DLG2: variants seen among roughly 807,000 people sequenced by gnomAD.
DLG2 encodes discs large MAGUK scaffold protein 2.
In DLG2, 45 loss-of-function variants were observed where a neutral mutation model predicts 132.5. That is an observed-to-expected ratio of 0.34 (90% CI 0.27 to 0.44). DLG2 has a LOEUF of 0.44. Among genes scored for constraint, DLG2 ranks in the 20% least tolerant of loss-of-function variants. The probability of loss-of-function intolerance (pLI) is 1.00; values close to 1 mark genes in which losing one functional copy is unlikely to be tolerated. For missense variants in DLG2, 1,045 were observed against 1,196.9 expected (o/e 0.87, Z 1.87); for synonymous variants, 424 against 419.6 (o/e 1.01, Z -0.13).
intron 6 of DLG2, among the ~76,000 whole-genome samples, chr11:84,626,342 C>G (rs75829487): frequency 3.9e-5 from 6 of 152,280 alleles, no homozygotes; most frequent in African/African-American, 1.4e-4. Flanking sequence ...ACACTCCTAA[C>G]TCTTGAAAGC....
intron 4 of DLG2, among the ~76,000 whole-genome samples, chr11:85,180,077 TTATTAAA>T (rs1401400056): frequency 6.6e-6 from 1 of 151,888 alleles, no homozygotes; most frequent in Non-Finnish European, 1.5e-5. Flanking sequence ...AAGTTATGTA[TTATTAAA>T]TATTATACTC....
intron 6 of DLG2, among the ~76,000 whole-genome samples, chr11:84,609,911 G>A (rs1355371448): frequency 6.6e-6 from 1 of 151,808 alleles, no homozygotes; most frequent in Non-Finnish European, 1.5e-5. Context: ...AGTAATAGGG[G>A]GTATGATAAT....
intron 6 of DLG2, among the ~76,000 whole-genome samples, chr11:84,610,713 G>T (rs1197778038): frequency 6.6e-6 from 1 of 152,036 alleles, no homozygotes; most frequent in Non-Finnish European, 1.5e-5. Flanking sequence ...TGACTTTATA[G>T]CTTCAGCCTA....
chr11:83,658,989 C>A (rs2073508020), intron 18 of DLG2, among the ~76,000 whole-genome samples: 1 of 152,200 alleles, frequency 6.6e-6, no homozygotes, highest in Admixed American at 6.5e-5. Flanking sequence ...AGATCTGAAA[C>A]CAGGTCCTCC....
chr11:84,961,526 T>TTGTG (rs71465017), intron 6 of DLG2, among the ~76,000 whole-genome samples: 2,267 of 143,860 alleles, frequency 0.016, 26 homozygotes, highest in South Asian at 0.025. Context: ...AATTGTATCT[T>TTGTG]TGTGTGTGTG....
chr11:84,001,040 A>T (rs1418934937), intron 11 of DLG2, among the ~76,000 whole-genome samples: 1 of 152,108 alleles, frequency 6.6e-6, no homozygotes, highest in African/African-American at 2.4e-5. Context: ...CAAAGAACAT[A>T]CAGAACAACC....
chr11:84,558,820 T>C (rs556067805), intron 6 of DLG2, among the ~76,000 whole-genome samples: 1 of 152,238 alleles, frequency 6.6e-6, no homozygotes, highest in African/African-American at 2.4e-5. Context: ...TCTTCTTTAT[T>C]TTTTTGCATC....
At chr11:84,062,288 C>T (rs1397199984) in intron 10 of DLG2, among the ~76,000 whole-genome samples, 2 of 152,084 alleles carry the variant, frequency 1.3e-5, no homozygotes, top group Admixed American at 6.6e-5. Context: ...CACGGTGAGG[C>T]CACTTTATCT....
intron 6 of DLG2, among the ~76,000 whole-genome samples, chr11:84,885,946 A>G (rs572846312): frequency 1.1e-4 from 16 of 152,074 alleles, no homozygotes; most frequent in Non-Finnish European, 2.1e-4. Flanking sequence ...AAGCTCCACA[A>G]ATGTTTATTG....
chr11:83,852,220 C>T (rs555879164), intron 16 of DLG2, among the ~76,000 whole-genome samples: 8 of 152,160 alleles, frequency 5.3e-5, no homozygotes, highest in South Asian at 2.1e-4. Context: ...GAAGCTAATA[C>T]GTTCTGGTAG....
At chr11:84,221,001 A>G (rs923003616) in intron 8 of DLG2, among the ~76,000 whole-genome samples, 3 of 145,500 alleles carry the variant, frequency 2.1e-5, no homozygotes, top group African/African-American at 7.7e-5. Context: ...ACAGAGTCTC[A>G]CTGTGTTACC....
chr11:84,534,792 C>T, intron 6 of DLG2, 61 bp from the exon 7 acceptor site: 1 of 1,565,280 alleles, frequency 6.4e-7, no homozygotes, highest in Non-Finnish European at 8.8e-7. Context: ...AGGATATAGA[C>T]TGAACTTCAT....
chr11:84,530,031 C>T (rs1000638790), intron 7 of DLG2, among the ~76,000 whole-genome samples: 2 of 151,992 alleles, frequency 1.3e-5, no homozygotes, highest in Admixed American at 6.6e-5. Flanking sequence ...GGAAAAAAAC[C>T]GGCAATGGGG....
intron 3 of DLG2, among the ~76,000 whole-genome samples, chr11:85,559,152 A>ATTTTTTTTTTTTTTTTT (rs1363947291): frequency 6.7e-6 from 1 of 148,912 alleles, no homozygotes; most frequent in African/African-American, 2.5e-5. Flanking sequence ...CATTATTATT[A>ATTTTTTTTTTTTTTTTT]TTATTTTTTT....
intron 6 of DLG2, among the ~76,000 whole-genome samples, chr11:84,823,116 G>T (rs1012404484): frequency 5.9e-5 from 9 of 151,706 alleles, no homozygotes; most frequent in East Asian, 2.0e-4. Flanking sequence ...CTAATTAAAG[G>T]TGTTCAATAA....
At chr11:84,904,943 A>T (rs2154073107) in intron 6 of DLG2, among the ~76,000 whole-genome samples, 1 of 152,274 alleles carries the variant, frequency 6.6e-6, no homozygotes, top group East Asian at 1.9e-4. Context: ...TTGTTTTTTG[A>T]GACAGGGTCT....
chr11:84,667,612 TCTGCTTC>T (rs911805887), intron 6 of DLG2, among the ~76,000 whole-genome samples: 2 of 149,754 alleles, frequency 1.3e-5, no homozygotes, highest in African/African-American at 4.9e-5. Flanking sequence ...TTCTCCTGCC[TCTGCTTC>T]CTGAGTAGCT....
Position 83,895,618 on chromosome 11 carries a change from C to G in DLG2, c.1497-21130G>C, listed in dbSNP as rs543346815. On this transcript the variant is annotated intron_variant, in intron 15 of 27. Coordinates refer to ENST00000376104, the MANE Select transcript of DLG2 (RefSeq NM_001142699.3). The stretch of plus-strand genomic sequence containing the variant: ...GATACTTGACAACTAGGCAAAACTC[C>G]AAAGGAAGCACTAAGATGATTTCAA... Among the ~76,000 whole-genome samples the G allele has an allele frequency of 4.9e-4, 75 of 152,222 alleles. 1 individual carries two copies. The highest frequency in any genetic ancestry group is 7.6e-4 in the Non-Finnish European group (52 of 68,008).
At chr11:84,045,016 G>A (rs1007707875) in intron 11 of DLG2, among the ~76,000 whole-genome samples, 3 of 151,566 alleles carry the variant, frequency 2.0e-5, no homozygotes, top group Non-Finnish European at 4.4e-5. Flanking sequence ...AATGGTTTTG[G>A]TTGCTAATTG....
Sources: gnomAD v4.1 joint callset for allele counts (sites outside exome capture counted in the v4.1 genomes callset) on GRCh38, gnomAD v4.1.1 for gene constraint, MANE v1.5 for transcripts, NCBI Gene and HGNC (gene_info 2026-07-23, HGNC 2026-07-21) for gene names.